Variants in ST6GALNAC3 observed in about 807,000 individuals in gnomAD.
ST6GALNAC3 encodes alpha-N-acetylgalactosaminide alpha-2,6-sialyltransferase 3.
In ST6GALNAC3, 25 loss-of-function variants were observed where a neutral mutation model predicts 32.7. The observed-to-expected ratio is 0.76, with a 90% CI of 0.56 to 1.07. ST6GALNAC3 has a LOEUF of 1.07. Ranked by LOEUF, ST6GALNAC3 falls within the 50% of genes least tolerant of loss-of-function variation. ST6GALNAC3 has a pLI of 0.00. For missense variants in ST6GALNAC3, 355 were observed against 382.4 expected (o/e 0.93, Z 0.60); for synonymous variants, 129 against 133.1 (o/e 0.97, Z 0.21).
chr1:76,473,954 A>AT (rs1465351892), intron 3 of ST6GALNAC3, among the ~76,000 whole-genome samples: 1 of 152,132 alleles, frequency 6.6e-6, no homozygotes, highest in Non-Finnish European at 1.5e-5. Context: ...GAAAAAAAAA[A>AT]GCTTTAATTT....
At chr1:76,540,276 C>A (rs1475094149) in intron 3 of ST6GALNAC3, among the ~76,000 whole-genome samples, 1 of 152,028 alleles carries the variant, frequency 6.6e-6, no homozygotes, top group South Asian at 2.1e-4. Context: ...AAACACCACA[C>A]GTTCTCACTC....
chr1:76,227,131 C>T (rs1252053528), intron 1 of ST6GALNAC3, among the ~76,000 whole-genome samples: 2 of 152,114 alleles, frequency 1.3e-5, no homozygotes, highest in African/African-American at 2.4e-5. Flanking sequence ...ACAGGTAAAT[C>T]CAAGAAGTGT....
At chr1:76,539,351 A>T (rs1663839005) in intron 3 of ST6GALNAC3, among the ~76,000 whole-genome samples, 1 of 152,232 alleles carries the variant, frequency 6.6e-6, no homozygotes, top group Non-Finnish European at 1.5e-5. Flanking sequence ...GTTACACTTT[A>T]TTCAAAAATT....
intron 1 of ST6GALNAC3, among the ~76,000 whole-genome samples, chr1:76,191,312 T>G (rs952475288): frequency 2.2e-4 from 34 of 151,484 alleles, no homozygotes; most frequent in African/African-American, 8.0e-4. Flanking sequence ...AAAAAAAGAA[T>G]TGATATCATA....
At chr1:76,179,181 G>C (rs974817153) in intron 1 of ST6GALNAC3, among the ~76,000 whole-genome samples, 1 of 152,300 alleles carries the variant, frequency 6.6e-6, no homozygotes, top group Admixed American at 6.5e-5. Context: ...GGTCGGAATT[G>C]AATATTAAAT....
At chr1:76,526,492 A>C (rs12742374) in intron 3 of ST6GALNAC3, among the ~76,000 whole-genome samples, 16,848 of 152,004 alleles carry the variant, frequency 0.11, 1,040 homozygotes, top group East Asian at 0.22. Context: ...CTAATGAGTC[A>C]TGTCATTACT....
At chr1:76,227,680 T>C (rs936435830) in intron 1 of ST6GALNAC3, among the ~76,000 whole-genome samples, 1 of 152,248 alleles carries the variant, frequency 6.6e-6, no homozygotes, top group African/African-American at 2.4e-5. Flanking sequence ...ACATTGACTG[T>C]GCGAATTTCT....
Position 76,195,672 on chromosome 1 carries a change from A to G in ST6GALNAC3, c.19-118133A>G, listed in dbSNP as rs546562939. Reference sequence around the variant, plus strand: ...AATGTCAACATGGTTAAAAAAATAAAAGGCAAATACACTTTAGTATTCTCA... The same window carrying G: ...AATGTCAACATGGTTAAAAAAATAAGAGGCAAATACACTTTAGTATTCTCA... On this transcript the variant is annotated intron_variant, in intron 1 of 4. Coordinates refer to ENST00000328299, the MANE Select transcript of ST6GALNAC3 (RefSeq NM_152996.4). 1.4e-4 allele frequency among the ~76,000 whole-genome samples: 21 copies of G among 152,344 alleles called. No individual in the cohort carries two copies. In the South Asian group the frequency reaches 3.9e-3, roughly 29 times the overall value.
intron 1 of ST6GALNAC3, among the ~76,000 whole-genome samples, chr1:76,134,881 G>A (rs991144330): frequency 3.3e-5 from 5 of 152,178 alleles, no homozygotes; most frequent in African/African-American, 7.2e-5. Context: ...GGTGGCTCAC[G>A]CCTGTAATCC....
At chr1:76,154,106 A>G (rs1185466132) in intron 1 of ST6GALNAC3, among the ~76,000 whole-genome samples, 1 of 152,158 alleles carries the variant, frequency 6.6e-6, no homozygotes, top group Non-Finnish European at 1.5e-5. Flanking sequence ...GCTTAAAAAT[A>G]GTCCAGTCAT....
chr1:76,500,706 G>A (rs1399866898), intron 3 of ST6GALNAC3, among the ~76,000 whole-genome samples: 8 of 152,108 alleles, frequency 5.3e-5, no homozygotes, highest in Non-Finnish European at 1.5e-5. Context: ...TCAAAATTAA[G>A]TAATAAAGAA....
At chr1:76,231,063 A>G (rs58138109) in intron 1 of ST6GALNAC3, among the ~76,000 whole-genome samples, 10,760 of 152,230 alleles carry the variant, frequency 0.071, 389 homozygotes, top group African/African-American at 0.1. Context: ...GGTGAAGGTG[A>G]TATTTTGCAA....
At chr1:76,323,946 A>G (rs1647019077) in intron 2 of ST6GALNAC3, among the ~76,000 whole-genome samples, 1 of 151,800 alleles carries the variant, frequency 6.6e-6, no homozygotes, top group African/African-American at 2.4e-5. Context: ...TACGACCTCT[A>G]CCTCCCAGGC....
At chr1:76,250,041 A>T (rs1657523386) in intron 1 of ST6GALNAC3, among the ~76,000 whole-genome samples, 1 of 152,086 alleles carries the variant, frequency 6.6e-6, no homozygotes, top group South Asian at 2.1e-4. Context: ...ATTTTCTTCC[A>T]TTTTATGTTT....
At chr1:76,468,478 T>C (rs1658799552) in intron 3 of ST6GALNAC3, among the ~76,000 whole-genome samples, 2 of 152,010 alleles carry the variant, frequency 1.3e-5, no homozygotes, top group Admixed American at 1.3e-4. Context: ...AAACATATAT[T>C]GAAAGAGATT....
In ST6GALNAC3 at chr1:76,631,926, TATG is replaced by T. The variant is rs1372316723; in HGVS notation, c.*3126_*3128del. 6.6e-6 allele frequency: 1 copy of T among 152,110 alleles called. No homozygotes were observed. Among genetic ancestry groups the T allele is most frequent in the Non-Finnish European group, 1.5e-5 (1 of 67,998 alleles). 9.4% of individuals were successfully genotyped at this position (152,110 alleles called of 1,614,324 possible). On this transcript the variant is annotated 3_prime_UTR_variant, in exon 5 of 5. Transcript: ENST00000328299. ...GAGAAGTAGCAATGATTTACATTGT[TATG>T]ATGATAATGTGAATAAGAAACCTTT...
chr1:76,345,707 TACTC>T (rs1648447373), intron 2 of ST6GALNAC3, among the ~76,000 whole-genome samples: 1 of 152,162 alleles, frequency 6.6e-6, no homozygotes, highest in South Asian at 2.1e-4. Flanking sequence ...CCTCTCATCT[TACTC>T]TGAGTAAAAG....
chr1:76,448,580 G>A (rs537630550), intron 3 of ST6GALNAC3, among the ~76,000 whole-genome samples: 3 of 152,150 alleles, frequency 2.0e-5, no homozygotes, highest in African/African-American at 4.8e-5. Context: ...GGACCTGGTG[G>A]GAGGTAATTG....
intron 2 of ST6GALNAC3, among the ~76,000 whole-genome samples, chr1:76,315,904 G>A (rs1646855821): frequency 1.3e-5 from 2 of 152,062 alleles, no homozygotes; most frequent in Non-Finnish European, 2.9e-5. Flanking sequence ...AAAGTGTTCA[G>A]TATGAATAAC....
Sources: allele counts gnomAD v4.1 joint callset (sites outside exome capture counted in the v4.1 genomes callset), GRCh38; gene constraint gnomAD v4.1.1; transcripts MANE v1.5; gene names NCBI Gene and HGNC (gene_info 2026-07-23, HGNC 2026-07-21).